The following LYPD6 variants were observed in gnomAD, a reference collection of about 807,000 sequenced individuals.
LYPD6 encodes ly6/PLAUR domain-containing protein 6.
In LYPD6, 15 loss-of-function variants were observed where a neutral mutation model predicts 22.7. The observed-to-expected ratio is 0.66, with a 90% CI of 0.44 to 1.02. LYPD6 has a LOEUF of 1.02. Among genes scored for constraint, LYPD6 ranks in the 50% least tolerant of loss-of-function variants. The pLI, the probability that LYPD6 is intolerant of heterozygous loss-of-function variation, is 0.00. For missense variants in LYPD6, 189 were observed against 208.4 expected (o/e 0.91, Z 0.57); for synonymous variants, 72 against 77.5 (o/e 0.93, Z 0.37).
In LYPD6 at chr2:149,391,270, G is replaced by C. The variant is rs1455253303; in HGVS notation, c.-71-46368G>C. Among the ~76,000 whole-genome samples, 4 of 152,152 alleles carry C rather than the reference G, an allele frequency of 2.6e-5. No homozygotes were observed. The East Asian group carries it at 5.8e-4, about 22-fold the overall frequency. ...TACCTCAAACATTTCATAGTTGAGT[G>C]GGGGAACCACTTGTTTAATGTCACT... On this transcript the variant is annotated intron_variant, in intron 1 of 4. Transcript: ENST00000334166.
intron 1 of LYPD6, among the ~76,000 whole-genome samples, chr2:149,336,797 T>G (rs895609598): frequency 1.2e-4 from 18 of 152,262 alleles, no homozygotes; most frequent in African/African-American, 3.9e-4. Flanking sequence ...TCAGGTTTCA[T>G]GTAGTGTTAA....
In LYPD6 at chr2:149,368,249, C is replaced by T. The variant is rs1573746329; in HGVS notation, c.-72+37527C>T. ...GACTTAACCTTTGAAGAAATGAAGG[C>T]AGGCTTTGCTGGGAGGCATTGGAGT... On this transcript the variant is annotated intron_variant, in intron 1 of 4. Coordinates refer to ENST00000334166, the MANE Select transcript of LYPD6 (RefSeq NM_194317.5). 2.0e-5 allele frequency: 3 copies of T among 152,320 alleles called. No individual in the cohort carries two copies. The South Asian group carries it at 6.2e-4, about 32-fold the overall frequency. 9.4% of individuals were successfully genotyped at this position (152,320 alleles called of 1,614,324 possible).
At chr2:149,442,375 G>C (rs1265168428) in intron 2 of LYPD6, among the ~76,000 whole-genome samples, 1 of 152,162 alleles carries the variant, frequency 6.6e-6, no homozygotes, top group Non-Finnish European at 1.5e-5. Flanking sequence ...AACTATGGCT[G>C]ACCATGAGAG....
Position 149,473,420 on chromosome 2 carries a change from C to CT in LYPD6, c.*2571dup, listed in dbSNP as rs1351833143. 1 of 152,650 alleles carries CT rather than the reference C, an allele frequency of 6.6e-6. No homozygotes were observed. The highest frequency in any genetic ancestry group is 2.4e-5 in the African/African-American group (1 of 41,466). 9.5% of individuals were successfully genotyped at this position (152,650 alleles called of 1,614,324 possible). A position where few individuals can be genotyped will look rare whatever the true frequency, so the allele number is the denominator to read the frequency against. The stretch of plus-strand genomic sequence containing the variant: ...GAAGGTCCGGGACTGGTCAGCCACT[C>CT]TGACTTTTCTACCACATTAAATTCT... On this transcript the variant is annotated 3_prime_UTR_variant, in exon 5 of 5. Coordinates refer to ENST00000334166, the MANE Select transcript of LYPD6 (RefSeq NM_194317.5).
downstream of LYPD6, among the ~76,000 whole-genome samples, chr2:149,478,377 G>GGTGTGTGTGTGTGT (rs55853638): frequency 4.5e-3 from 444 of 99,372 alleles, 2 homozygotes; most frequent in African/African-American, 0.011. Flanking sequence ...GGTATATAGA[G>GGTGTGTGTGTGTGT]GTGTGTGTGT....
intron 3 of LYPD6, among the ~76,000 whole-genome samples, chr2:149,460,616 A>G (rs536145040): frequency 4.6e-5 from 7 of 152,304 alleles, no homozygotes; most frequent in African/African-American, 1.2e-4. Flanking sequence ...AGAATTCAAC[A>G]GCACCATTAA....
At chr2:149,426,541 GC>G (rs889879697) in intron 1 of LYPD6, among the ~76,000 whole-genome samples, 2 of 152,164 alleles carry the variant, frequency 1.3e-5, no homozygotes, top group African/African-American at 4.8e-5. Context: ...GAAAGAAAGG[GC>G]ATGATTTGTA....
chr2:149,334,792 G>A (rs765741213), intron 1 of LYPD6, among the ~76,000 whole-genome samples: 186 of 150,740 alleles, frequency 1.2e-3, no homozygotes, highest in Non-Finnish European at 2.0e-3. Context: ...GGGGATTGAC[G>A]TATTAGAGTT....
At chr2:149,476,159 A>G (rs1681447297), downstream of LYPD6, among the ~76,000 whole-genome samples, 1 of 152,132 alleles carries the variant, frequency 6.6e-6, no homozygotes, top group South Asian at 2.1e-4. Flanking sequence ...TGCTCAGAGT[A>G]ATTAAGACAT....
intron 1 of LYPD6, among the ~76,000 whole-genome samples, chr2:149,404,277 T>C (rs1055008008): frequency 2.6e-5 from 4 of 152,198 alleles, no homozygotes; most frequent in Non-Finnish European, 5.9e-5. Context: ...AAGAAAATCA[T>C]TGTTAGCTTG....
chr2:149,412,749 A>C (rs1295720521), intron 1 of LYPD6, among the ~76,000 whole-genome samples: 1 of 152,226 alleles, frequency 6.6e-6, no homozygotes, highest in African/African-American at 2.4e-5. Flanking sequence ...ACTTTTTTTA[A>C]GCAAAAAAAG....
intron 3 of LYPD6, among the ~76,000 whole-genome samples, chr2:149,454,349 G>T (rs1558813586): frequency 6.6e-6 from 1 of 152,134 alleles, no homozygotes; most frequent in Non-Finnish European, 1.5e-5. Flanking sequence ...TTATCATTGA[G>T]CATCACATAT....
At chr2:149,477,961 A>G (rs1681469254), downstream of LYPD6, among the ~76,000 whole-genome samples, 1 of 152,172 alleles carries the variant, frequency 6.6e-6, no homozygotes, top group Non-Finnish European at 1.5e-5. Flanking sequence ...ATAACTTGCC[A>G]ATAGACCTGT....
chr2:149,407,094 A>G (rs1352805060), intron 1 of LYPD6, among the ~76,000 whole-genome samples: 2 of 152,188 alleles, frequency 1.3e-5, no homozygotes, highest in African/African-American at 2.4e-5. Flanking sequence ...GTTTCTGCCG[A>G]GAGATCCACT....
intron 2 of LYPD6, among the ~76,000 whole-genome samples, chr2:149,442,457 C>T (rs58068054): frequency 1.3e-5 from 2 of 152,096 alleles, no homozygotes; most frequent in South Asian, 4.1e-4. Flanking sequence ...CAATCACCTT[C>T]TCTTAAGGGA....
In LYPD6 at chr2:149,456,994, C is replaced by G. The variant is rs574937091; in HGVS notation, c.217+7847C>G. Among the ~76,000 whole-genome samples the G allele has an allele frequency of 8.5e-5, 13 of 152,310 alleles. 1 individual carries two copies. The highest frequency in any genetic ancestry group is 3.1e-4 in the African/African-American group (13 of 41,574). On this transcript the variant is annotated intron_variant, in intron 3 of 4. Transcript: ENST00000334166. ...CCGTTCATTCTCATTGTTATGGGAA[C>G]AGATACTATAATTTATTCATTCTGT...
Position 149,471,047 on chromosome 2 carries a change from A to T in LYPD6, c.*197A>T, listed in dbSNP as rs1174120336. 3 of 480,316 alleles carry T rather than the reference A, an allele frequency of 6.2e-6. No individual in the cohort carries two copies. The highest frequency in any genetic ancestry group is 5.7e-5 in the African/African-American group (3 of 52,350). The allele number at this position is 480,316 out of a possible 1,614,324, so 29.8% of individuals were successfully genotyped here. ...GCCATTTTGAGTCTAACCGAGACTC[A>T]TCAAAGCCTTCTGTCAGTACAGCCC... is the stretch of plus-strand genomic sequence containing the variant. On this transcript the variant is annotated 3_prime_UTR_variant, in exon 5 of 5. Transcript: ENST00000334166.
chr2:149,427,676 C>CCTA (rs1683214461), intron 1 of LYPD6, among the ~76,000 whole-genome samples: 1 of 152,198 alleles, frequency 6.6e-6, no homozygotes, highest in Non-Finnish European at 1.5e-5. Context: ...GACTGCGTGT[C>CCTA]CAACAGTAAT....
At chr2:149,389,349 G>C (rs773235018) in intron 1 of LYPD6, among the ~76,000 whole-genome samples, 1 of 152,100 alleles carries the variant, frequency 6.6e-6, no homozygotes, top group South Asian at 2.1e-4. Flanking sequence ...CTGCTTCCTT[G>C]AATTTACTGA....
Sources: gnomAD v4.1 joint callset for allele counts (sites outside exome capture counted in the v4.1 genomes callset) on GRCh38, gnomAD v4.1.1 for gene constraint, MANE v1.5 for transcripts, NCBI Gene and HGNC (gene_info 2026-07-23, HGNC 2026-07-21) for gene names.